Variants in TRIO observed in about 807,000 individuals in gnomAD.
TRIO encodes the protein triple functional domain protein.
A neutral mutation model predicts 351.9 loss-of-function variants in TRIO; 58 were observed. The ratio of observed to expected loss-of-function variants is 0.16; its 90% CI spans 0.13 to 0.21. The LOEUF is 0.21. Ranked by LOEUF, TRIO falls within the 10% of genes least tolerant of loss-of-function variation. The pLI, the probability that TRIO is intolerant of heterozygous loss-of-function variation, is 1.00. For missense variants in TRIO, 3,201 were observed against 4,027.8 expected, an observed-to-expected ratio of 0.79 and a Z score of 5.56; for synonymous variants, 1,758 against 1,595.7, an observed-to-expected ratio of 1.10 and a Z score of -2.42.
intron 11 of TRIO, among the ~76,000 whole-genome samples, chr5:14,341,760 T>C (rs1741958328): frequency 6.6e-6 from 1 of 152,360 alleles, no homozygotes; most frequent in Non-Finnish European, 1.5e-5. Context: ...AGAGTTTGTT[T>C]CTGGAATTGA....
intron 28 of TRIO, 82 bp from the exon 29 acceptor site, chr5:14,396,961 C>A: frequency 8.3e-7 from 1 of 1,200,312 alleles, no homozygotes; most frequent in South Asian, 1.5e-5. Flanking sequence ...AAGCCATGGG[C>A]TTTCATAAAC....
At position 14,508,938 on chromosome 5, in the gene TRIO, G is replaced by A. The variant is rs59086805; in HGVS notation, c.*516G>A. The stretch of plus-strand genomic sequence containing the variant: ...TCACGCCCGACGTGGCTTCTGAAAC[G>A]TGCATTCAACCTCAAACTTTTGCAT... On this transcript the variant is annotated 3_prime_UTR_variant, in exon 57 of 57. Transcript: ENST00000344204. 0.019 allele frequency: 3,140 copies of A among 163,322 alleles called. 37 individuals carry two copies. The highest frequency in any genetic ancestry group is 0.048 in the Middle Eastern group (16 of 332). 10.1% of individuals were successfully genotyped at this position (163,322 alleles called of 1,614,324 possible). A position where few individuals can be genotyped will look rare whatever the true frequency, so the allele number is the denominator to read the frequency against.
At chr5:14,247,670 T>C (rs1054719213) in intron 1 of TRIO, among the ~76,000 whole-genome samples, 3 of 152,228 alleles carry the variant, frequency 2.0e-5, no homozygotes, top group African/African-American at 7.2e-5. Context: ...TAGGATGTTA[T>C]AGTCTGTGCT....
intron 31 of TRIO, among the ~76,000 whole-genome samples, chr5:14,402,527 T>C (rs1375475158): frequency 1.3e-5 from 2 of 151,890 alleles, no homozygotes; most frequent in Admixed American, 1.3e-4. Flanking sequence ...AGTGTAATGA[T>C]GATGTAGGTG....
chr5:14,222,191 T>C (rs1792682853), intron 1 of TRIO, among the ~76,000 whole-genome samples: 1 of 151,948 alleles, frequency 6.6e-6, no homozygotes, highest in Non-Finnish European at 1.5e-5. Flanking sequence ...GGTGTGTTCA[T>C]TTTTAAAGAC....
At chr5:14,237,063 C>G (rs1793815512) in intron 1 of TRIO, among the ~76,000 whole-genome samples, 1 of 152,206 alleles carries the variant, frequency 6.6e-6, no homozygotes, top group Non-Finnish European at 1.5e-5. Context: ...TTATTCTCCC[C>G]TTTAAAGGAA....
chr5:14,176,334 G>A (rs911407931), intron 1 of TRIO, among the ~76,000 whole-genome samples: 5 of 152,152 alleles, frequency 3.3e-5, no homozygotes, highest in African/African-American at 9.7e-5. Context: ...GCCGGACATG[G>A]TGGCGGGCGC....
At chr5:14,166,094 A>G (rs1417038450) in intron 1 of TRIO, among the ~76,000 whole-genome samples, 2 of 152,224 alleles carry the variant, frequency 1.3e-5, no homozygotes, top group African/African-American at 4.8e-5. Context: ...TGCTGGAGGC[A>G]GTTAGAGATG....
chr5:14,369,317 A>G, intron 17 of TRIO, 57 bp from the exon 18 acceptor site: 1 of 1,540,228 alleles, frequency 6.5e-7, no homozygotes, highest in Non-Finnish European at 8.8e-7. Flanking sequence ...CTTTCCAGGG[A>G]TACCAGTCGG....
chr5:14,256,193 A>G (rs1425991925), intron 1 of TRIO, among the ~76,000 whole-genome samples: 3 of 152,176 alleles, frequency 2.0e-5, no homozygotes, highest in African/African-American at 2.4e-5. Context: ...AGTGTCTCAC[A>G]TGGTGAAAGA....
At chr5:14,214,076 G>T (rs1792075961) in intron 1 of TRIO, among the ~76,000 whole-genome samples, 1 of 152,130 alleles carries the variant, frequency 6.6e-6, no homozygotes, top group African/African-American at 2.4e-5. Flanking sequence ...CAGGCAAGCC[G>T]CAGTCAGGGC....
intron 43 of TRIO, among the ~76,000 whole-genome samples, chr5:14,480,786 T>C (rs1410804495): frequency 4.6e-5 from 7 of 152,184 alleles, no homozygotes; most frequent in East Asian, 3.9e-4. Flanking sequence ...GAGAATAATA[T>C]GATAAAGTAG....
At chr5:14,316,788 T>C in intron 9 of TRIO, 45 bp downstream of exon 9, 7 of 1,556,278 alleles carry the variant, frequency 4.5e-6, no homozygotes, top group Non-Finnish European at 6.1e-6. Context: ...TGGCTTGTGT[T>C]GAGTAGAGTT....
intron 11 of TRIO, among the ~76,000 whole-genome samples, chr5:14,347,044 G>C (rs1173013710): frequency 6.6e-6 from 1 of 151,078 alleles, no homozygotes; most frequent in African/African-American, 2.5e-5. Context: ...GTGGACCTGA[G>C]GTCCTGCAGA....
At chr5:14,274,650 G>A (rs1295711755) in intron 2 of TRIO, among the ~76,000 whole-genome samples, 1 of 152,142 alleles carries the variant, frequency 6.6e-6, no homozygotes, top group Non-Finnish European at 1.5e-5. Context: ...GGAGAAGTAG[G>A]ATAAGTGATT....
intron 1 of TRIO, among the ~76,000 whole-genome samples, chr5:14,267,789 A>T (rs749318744): frequency 5.9e-4 from 89 of 151,916 alleles, no homozygotes; most frequent in Non-Finnish European, 1.1e-3. Context: ...TGGAAATGAG[A>T]TCTAAAATAA....
intron 1 of TRIO, among the ~76,000 whole-genome samples, chr5:14,247,268 T>C (rs181046174): frequency 1.8e-4 from 27 of 152,378 alleles, no homozygotes; most frequent in Non-Finnish European, 2.9e-4. Context: ...CAACTGGGTA[T>C]TGGATGCTGT....
Position 14,341,796 on chromosome 5 carries a change from T to A in TRIO, c.2046+5069T>A, listed in dbSNP as rs114609080. On this transcript the variant is annotated intron_variant, in intron 11 of 56. Transcript: ENST00000344204. ...TTCAGTTCCATTGCATTGATTTTTGTTCTCAGAAGCCAAGGTTTCCCAGGA... is the reference window on the plus strand; with the variant it reads ...TTCAGTTCCATTGCATTGATTTTTGATCTCAGAAGCCAAGGTTTCCCAGGA... Among the ~76,000 whole-genome samples, 58 of 152,348 alleles carry A rather than the reference T, an allele frequency of 3.8e-4. 1 individual carries two copies. Among genetic ancestry groups the A allele is most frequent in the African/African-American group, 1.4e-3 (57 of 41,580 alleles).
At chr5:14,275,912 CTA>C (rs1438997294) in intron 2 of TRIO, among the ~76,000 whole-genome samples, 1 of 144,376 alleles carries the variant, frequency 6.9e-6, no homozygotes, top group African/African-American at 2.5e-5. Context: ...ATATATATGT[CTA>C]TATGTATGTT....
Sources: gnomAD v4.1 joint callset for allele counts (sites outside exome capture counted in the v4.1 genomes callset) on GRCh38, gnomAD v4.1.1 for gene constraint, MANE v1.5 for transcripts, NCBI Gene and HGNC (gene_info 2026-07-23, HGNC 2026-07-21) for gene names.